Variants in MAP3K15 observed in about 807,000 individuals in gnomAD.
MAP3K15 encodes the protein mitogen-activated protein kinase kinase kinase 15.
Under a neutral mutation model 99.5 loss-of-function variants are expected in MAP3K15, and 124 were observed. That is an observed-to-expected ratio of 1.25 (90% CI 1.08 to 1.45). The LOEUF is 1.45. Ranked by LOEUF, MAP3K15 falls within the 40% of genes most tolerant of loss-of-function variation. The pLI, the probability that MAP3K15 is intolerant of heterozygous loss-of-function variation, is 0.00. For missense variants in MAP3K15, 1,242 were observed against 1,079.7 expected (o/e 1.15, Z -2.11); for synonymous variants, 494 against 439.6 (o/e 1.12, Z -1.55).
chrX:19,506,290 G>C (rs769764608), intron 1 of MAP3K15, among the ~76,000 whole-genome samples: 1 of 106,454 alleles, frequency 9.4e-6, no homozygotes, highest in African/African-American at 3.4e-5. Flanking sequence ...GGCTGCTCTC[G>C]AACTCCTGAC....
Position 19,367,723 on chromosome X carries a change from ATTTTTTTTTTTTTTTTTTTTTTTTT to A in MAP3K15, c.3566+1306_3566+1330del, listed in dbSNP as rs748998915. Among the ~76,000 whole-genome samples the A allele has an allele frequency of 8.1e-3, 195 of 24,143 alleles. 2 individuals carry two copies. Among genetic ancestry groups the A allele is most frequent in the Admixed American group, 0.018 (34 of 1,862 alleles). The allele number at this position is 24,143 out of a possible 115,157, so 21.0% of individuals were successfully genotyped here. The stretch of plus-strand genomic sequence containing the variant: ...ACCAACTCATTTGCTATAACTATGG[ATTTTTTTTTTTTTTTTTTTTTTTTT>A]TTTTTTTTTTTTTTTTTTGAGACAG... On this transcript the variant is annotated intron_variant, in intron 25 of 28. Coordinates refer to ENST00000338883, the MANE Select transcript of MAP3K15 (RefSeq NM_001001671.4).
intron 7 of MAP3K15, among the ~76,000 whole-genome samples, chrX:19,429,822 G>T (rs2063867009): frequency 1.2e-5 from 1 of 86,865 alleles, no homozygotes; most frequent in African/African-American, 5.0e-5. Flanking sequence ...GAGAGAGAGA[G>T]GAAGCAGTTA....
intron 3 of MAP3K15, among the ~76,000 whole-genome samples, chrX:19,479,934 C>T (rs921163842): frequency 1.8e-5 from 2 of 112,266 alleles, no homozygotes; most frequent in Non-Finnish European, 3.8e-5. Flanking sequence ...CAATCAAATA[C>T]TGAAATATGA....
intron 2 of MAP3K15, among the ~76,000 whole-genome samples, chrX:19,486,851 T>C (rs146548667): frequency 2.7e-5 from 3 of 111,129 alleles, no homozygotes; most frequent in African/African-American, 9.8e-5. Context: ...GTGCCCTGCA[T>C]CTTGCCTTCC....
At chrX:19,475,765 T>C (rs1288539868) in intron 3 of MAP3K15, among the ~76,000 whole-genome samples, 1 of 111,966 alleles carries the variant, frequency 8.9e-6, no homozygotes, top group Non-Finnish European at 1.9e-5. Context: ...CTCAGCTGGC[T>C]CCTCCACAGC....
intron 11 of MAP3K15, among the ~76,000 whole-genome samples, chrX:19,413,080 AC>A (rs775386110): frequency 1.0e-4 from 11 of 107,784 alleles, no homozygotes; most frequent in South Asian, 8.3e-4. Flanking sequence ...CTATAAAAAA[AC>A]AAACCAACCT....
chrX:19,483,340 C>G (rs769282792), intron 3 of MAP3K15, among the ~76,000 whole-genome samples: 8 of 110,190 alleles, frequency 7.3e-5, no homozygotes, highest in Non-Finnish European at 1.3e-4. Context: ...TCATCAAGCA[C>G]AATTTTATCT....
chrX:19,419,409 C>T (rs1175398926), intron 9 of MAP3K15, among the ~76,000 whole-genome samples: 1 of 109,137 alleles, frequency 9.2e-6, no homozygotes, highest in Non-Finnish European at 1.9e-5. Flanking sequence ...ATAAAACAGA[C>T]TTTAAACCAA....
At chrX:19,410,888 A>G (rs1293843943) in intron 11 of MAP3K15, among the ~76,000 whole-genome samples, 2 of 111,707 alleles carry the variant, frequency 1.8e-5, no homozygotes. Context: ...TTAAGTAGGA[A>G]AATCCATTTG....
chrX:19,411,198 AT>A (rs1250280705), intron 11 of MAP3K15, among the ~76,000 whole-genome samples: 1 of 110,459 alleles, frequency 9.1e-6, no homozygotes, highest in African/African-American at 3.3e-5. Context: ...AAAAAAAAAA[AT>A]TCCATTTGGT....
intron 18 of MAP3K15, among the ~76,000 whole-genome samples, chrX:19,382,007 G>A (rs2063461088): frequency 9.0e-6 from 1 of 111,693 alleles, no homozygotes; most frequent in Non-Finnish European, 1.9e-5. Flanking sequence ...CACTTTGGGA[G>A]GCCGAGGCAG....
intron 9 of MAP3K15, among the ~76,000 whole-genome samples, chrX:19,424,302 A>G (rs1388664878): frequency 1.0e-5 from 1 of 97,016 alleles, no homozygotes; most frequent in African/African-American, 4.9e-5. Flanking sequence ...ACACATATAT[A>G]TACACACATA....
intron 6 of MAP3K15, among the ~76,000 whole-genome samples, chrX:19,433,169 G>A (rs1284514339): frequency 9.0e-6 from 1 of 111,683 alleles, no homozygotes; most frequent in Non-Finnish European, 1.9e-5. Flanking sequence ...AGTGGATATG[G>A]GGTAGATGGG....
At chrX:19,365,072 C>T (rs1231163111) in intron 25 of MAP3K15, among the ~76,000 whole-genome samples, 4 of 108,722 alleles carry the variant, frequency 3.7e-5, no homozygotes, top group East Asian at 2.9e-4. Context: ...GTTGTGGTGG[C>T]GTGCGCCTGT....
At chrX:19,424,709 A>T (rs2063816509) in intron 9 of MAP3K15, among the ~76,000 whole-genome samples, 1 of 110,901 alleles carries the variant, frequency 9.0e-6, no homozygotes, top group Non-Finnish European at 1.9e-5. Flanking sequence ...GCAGTTGTGC[A>T]ATCACAGCTC....
At chrX:19,397,431 C>G (rs1479766220) in intron 15 of MAP3K15, among the ~76,000 whole-genome samples, 1 of 110,931 alleles carries the variant, frequency 9.0e-6, no homozygotes, top group Admixed American at 9.6e-5. Flanking sequence ...TAAAATAACC[C>G]AGTAATATTT....
At chrX:19,400,553 A>G (rs1196481902) in intron 14 of MAP3K15, 23 bp downstream of exon 14, 1 of 1,094,638 alleles carries the variant, frequency 9.1e-7, no homozygotes, top group Non-Finnish European at 1.3e-6. Flanking sequence ...TGTTTTCCAT[A>G]TTCTAGATCG....
chrX:19,361,239 A>G lies in MAP3K15; in HGVS notation c.3857+100T>C, dbSNP rs2063282628. 5.7e-6 allele frequency: 4 copies of G among 697,287 alleles called. No individual in the cohort carries two copies. In the South Asian group the frequency reaches 1.2e-4, roughly 20 times the overall value. The allele number at this position is 697,287 out of a possible 1,213,427, so 57.5% of individuals were successfully genotyped here. A position where few individuals can be genotyped will look rare whatever the true frequency, so the allele number is the denominator to read the frequency against. On this transcript the variant is annotated intron_variant, in intron 28 of 28. Coordinates refer to ENST00000338883, the MANE Select transcript of MAP3K15 (RefSeq NM_001001671.4). Reference sequence around the variant, plus strand: ...CCCAGCTTGAACCTAATAGAACTCCAGAGTTTGGGGGGAGGCCCAGCCCTT... The same window carrying G: ...CCCAGCTTGAACCTAATAGAACTCCGGAGTTTGGGGGGAGGCCCAGCCCTT...
intron 6 of MAP3K15, among the ~76,000 whole-genome samples, chrX:19,451,453 A>T (rs760230255): frequency 1.1e-4 from 11 of 103,737 alleles, no homozygotes; most frequent in African/African-American, 3.7e-4. Context: ...TATATAAAAA[A>T]AAAAACCCTC....
Sources: gnomAD v4.1 joint callset for allele counts (sites outside exome capture counted in the v4.1 genomes callset) on GRCh38, gnomAD v4.1.1 for gene constraint, MANE v1.5 for transcripts, NCBI Gene and HGNC (gene_info 2026-07-23, HGNC 2026-07-21) for gene names.